BCAS4: variants seen among roughly 807,000 people sequenced by gnomAD.
BCAS4 encodes the protein breast carcinoma-amplified sequence 4.
In BCAS4, 9 loss-of-function variants were observed where a neutral mutation model predicts 15.7. The observed-to-expected ratio is 0.57, with a 90% CI of 0.34 to 1.00. The LOEUF is 1.00. Among genes scored for constraint, BCAS4 ranks in the 50% least tolerant of loss-of-function variants. The pLI is 0.02. For synonymous variants in BCAS4, 101 were observed against 99.5 expected, an observed-to-expected ratio of 1.02 and a Z score of -0.09; for missense variants, 225 against 239.1, an observed-to-expected ratio of 0.94 and a Z score of 0.39.
intron 4 of BCAS4, among the ~76,000 whole-genome samples, chr20:50,855,261 T>C (rs1296449242): frequency 6.6e-6 from 1 of 152,138 alleles, no homozygotes; most frequent in Non-Finnish European, 1.5e-5. Context: ...TCTCTTCCCA[T>C]CTCCATCTCT....
chr20:50,861,753 G>A (rs1203443831), intron 4 of BCAS4, among the ~76,000 whole-genome samples: 2 of 151,258 alleles, frequency 1.3e-5, no homozygotes, highest in Non-Finnish European at 2.9e-5. Flanking sequence ...CCCCCTATGT[G>A]GCTGCTTCAT....
intron 4 of BCAS4, among the ~76,000 whole-genome samples, chr20:50,850,746 A>G (rs1291197270): frequency 6.6e-6 from 1 of 152,142 alleles, no homozygotes; most frequent in African/African-American, 2.4e-5. Context: ...CATCTGGCCT[A>G]CCGTGCTCAC....
At chr20:50,814,817 A>G (rs2088118473) in intron 1 of BCAS4, among the ~76,000 whole-genome samples, 1 of 152,196 alleles carries the variant, frequency 6.6e-6, no homozygotes, top group Admixed American at 6.5e-5. Flanking sequence ...TTCTATGGCG[A>G]AAGAGATTGG....
Sources: allele counts gnomAD v4.1 joint callset (sites outside exome capture counted in the v4.1 genomes callset), GRCh38; gene constraint gnomAD v4.1.1; transcripts MANE v1.5; gene names NCBI Gene and HGNC (gene_info 2026-07-23, HGNC 2026-07-21).